Variants in POMZP3 observed in about 807,000 individuals in gnomAD.
The protein encoded by POMZP3 is POM121 and ZP3 fusion protein.
A neutral mutation model predicts 19.8 loss-of-function variants in POMZP3; 10 were observed. That is an observed-to-expected ratio of 0.51 (90% CI 0.31 to 0.86). The LOEUF (loss-of-function observed/expected upper bound fraction) is 0.86. Ranked by LOEUF, POMZP3 falls within the 40% of genes least tolerant of loss-of-function variation. The pLI is 0.04. For synonymous variants in POMZP3, 57 were observed against 85.8 expected (o/e 0.66, Z 1.85); for missense variants, 152 against 228.1 (o/e 0.67, Z 2.15).
At position 76,618,441 on chromosome 7, in the gene POMZP3, G is replaced by T; in HGVS notation, c.228-141C>A. The T allele has an allele frequency of 3.2e-6, 3 of 929,340 alleles. No individual in the cohort carries two copies. In the South Asian group the frequency reaches 4.5e-5, roughly 14 times the overall value. 57.6% of individuals were successfully genotyped at this position (929,340 alleles called of 1,614,324 possible). A position where few individuals can be genotyped will look rare whatever the true frequency, so the allele number is the denominator to read the frequency against. ...GTTCGAGACTAGCCTGGCAAACATG[G>T]TGAAACCTTGTCTCTACTAAAAATA... On this transcript the variant is annotated intron_variant, in intron 3 of 6. Coordinates refer to ENST00000310842, the MANE Select transcript of POMZP3 (RefSeq NM_012230.5).
At chr7:76,624,608 G>A (rs184070156) in intron 3 of POMZP3, among the ~76,000 whole-genome samples, 2,200 of 150,280 alleles carry the variant, frequency 0.015, 51 homozygotes, top group African/African-American at 0.05. Context: ...ACCACATCCA[G>A]CTAATTTTTG....
At chr7:76,614,838 T>G (rs1584341917) in intron 4 of POMZP3, among the ~76,000 whole-genome samples, 1 of 72,768 alleles carries the variant, frequency 1.4e-5, no homozygotes, top group African/African-American at 7.2e-5. Flanking sequence ...CCAGCCTGGG[T>G]GACAGAGCGA....
In POMZP3 at chr7:76,622,374, GTTTTTTTTTT is replaced by G. The variant is rs757086256; in HGVS notation, c.227+3138_227+3147del. ...TTTCCTGTAACACTATCATTCTCAA[GTTTTTTTTTT>G]TTTTTTTTTTTTGAGATGGAGTCTC... On this transcript the variant is annotated intron_variant, in intron 3 of 6. Coordinates refer to ENST00000310842, the MANE Select transcript of POMZP3 (RefSeq NM_012230.5). Among the ~76,000 whole-genome samples, 4 of 62,804 alleles carry G rather than the reference GTTTTTTTTTT, an allele frequency of 6.4e-5. No homozygotes were observed. In the East Asian group the frequency reaches 1.0e-3, roughly 16 times the overall value. 41.2% of individuals were successfully genotyped at this position (62,804 alleles called of 152,430 possible).
chr7:76,611,121 G>A (rs1047496081), intron 6 of POMZP3, among the ~76,000 whole-genome samples: 5 of 144,028 alleles, frequency 3.5e-5, no homozygotes, highest in African/African-American at 5.3e-5. Context: ...TGACCTGCCC[G>A]CCTTGGCCTC....
Position 76,611,443 on chromosome 7 carries a change from C to T in POMZP3, c.*11+11G>A, listed in dbSNP as rs1376953494. The T allele has an allele frequency of 1.9e-6, 3 of 1,548,344 alleles. No individual in the cohort carries two copies. The highest frequency in any genetic ancestry group is 1.7e-5 in the African/African-American group (1 of 60,128). On this transcript the variant is annotated intron_variant, in intron 6 of 6. Coordinates refer to ENST00000310842, the MANE Select transcript of POMZP3 (RefSeq NM_012230.5). ...GACAATGAACAGCCTCTTGGCCATT[C>T]TATGACATACCATGCCTGCGGTTAC...
chr7:76,610,567 G>A (rs1815043137), intron 6 of POMZP3, among the ~76,000 whole-genome samples: 1 of 152,074 alleles, frequency 6.6e-6, no homozygotes, highest in African/African-American at 2.4e-5. Context: ...CAGGAGAATA[G>A]CTTGAACCTG....
intron 4 of POMZP3, among the ~76,000 whole-genome samples, chr7:76,613,514 T>TTG (rs1225604780): frequency 1.3e-5 from 1 of 75,300 alleles, no homozygotes; most frequent in African/African-American, 5.6e-5. Context: ...ACCCTTTTTT[T>TTG]TTTTTTTTTT....
intron 3 of POMZP3, among the ~76,000 whole-genome samples, chr7:76,622,982 C>T (rs1428781904): frequency 1.3e-5 from 2 of 151,836 alleles, no homozygotes; most frequent in Non-Finnish European, 2.9e-5. Context: ...AGTGATCCTC[C>T]CACCTCAGCC....
intron 4 of POMZP3, among the ~76,000 whole-genome samples, chr7:76,617,703 A>C (rs1344036317): frequency 1.0e-5 from 1 of 99,146 alleles, no homozygotes; most frequent in Non-Finnish European, 2.0e-5. Flanking sequence ...TTTTTTTTGG[A>C]GATGGAGTCT....
chr7:76,611,436 G>C lies in POMZP3; in HGVS notation c.*11+18C>G, dbSNP rs188172114. On this transcript the variant is annotated intron_variant, in intron 6 of 6. Coordinates refer to ENST00000310842, the MANE Select transcript of POMZP3 (RefSeq NM_012230.5). ...AGTAAGGGACAATGAACAGCCTCTT[G>C]GCCATTCTATGACATACCATGCCTG... The C allele has an allele frequency of 2.0e-6, 3 of 1,537,296 alleles. No individual in the cohort carries two copies. The East Asian group carries it at 6.9e-5, about 35-fold the overall frequency.
chr7:76,626,159 A>C lies in POMZP3; in HGVS notation c.-95T>G. 5.0e-6 allele frequency: 8 copies of C among 1,603,802 alleles called. No homozygotes were observed. Among genetic ancestry groups the C allele is most frequent in the Non-Finnish European group, 3.4e-6 (4 of 1,174,778 alleles). ...CGGACAGGAATACTGGGCCTGATGG[A>C]TCGGATAGCGTCTTCGAGGTGTTAT... On this transcript the variant is annotated 5_prime_UTR_variant, in exon 2 of 7. Transcript: ENST00000310842.
In POMZP3 at chr7:76,625,651, G is replaced by A. The variant is rs1563806704; in HGVS notation, c.98C>T (p.Ser33Leu). ...PEQIISSTLS[S>L]PSSNAPDPCA... is the part of the protein sequence containing the mutation. ...TGGGTCTGGGGCATTACTTGATGGTGAGGACAGTGTTGAGCTGATTATCTG... is the reference window on the plus strand; with the variant it reads ...TGGGTCTGGGGCATTACTTGATGGTAAGGACAGTGTTGAGCTGATTATCTG... Residue 33 changes from serine (S) to leucine (L), a missense_variant, in exon 3 of 7, where the codon TCA (serine) becomes TTA (leucine). Around this residue, in one of 4 missense-constraint regions of POMZP3, gnomAD observed 70 missense variants for 64.1 expected, o/e 1.09. Transcript: ENST00000310842. 1.2e-6 allele frequency: 2 copies of A among 1,613,900 alleles called. No individual in the cohort carries two copies. Among genetic ancestry groups the A allele is most frequent in the Non-Finnish European group, 1.7e-6 (2 of 1,179,844 alleles).
rs2116889855 is a variant in POMZP3, at chr7:76,626,196, C to G, written c.-132G>C. The G allele has an allele frequency of 1.3e-6, 2 of 1,565,516 alleles. No individual in the cohort carries two copies. Among genetic ancestry groups the G allele is most frequent in the Non-Finnish European group, 8.7e-7 (1 of 1,154,124 alleles). On this transcript the variant is annotated 5_prime_UTR_variant, in exon 2 of 7. Transcript: ENST00000310842. Reference sequence around the variant, plus strand: ...CTTCGAGGTGTTATTACAAACCGATCTGGTAAAGTCCCACGATCCCTGCAG... The same window carrying G: ...CTTCGAGGTGTTATTACAAACCGATGTGGTAAAGTCCCACGATCCCTGCAG...
chr7:76,616,275 T>A (rs1815284336), intron 4 of POMZP3, among the ~76,000 whole-genome samples: 4 of 95,972 alleles, frequency 4.2e-5, no homozygotes, highest in Admixed American at 1.0e-4. Flanking sequence ...AGAGTGAGAC[T>A]GTCTCAAAAA....
chr7:76,617,213 G>A lies in POMZP3; in HGVS notation c.345+970C>T, dbSNP rs1173865234. Among the ~76,000 whole-genome samples the A allele has an allele frequency of 2.3e-5, 2 of 85,240 alleles. 1 individual carries two copies. Among genetic ancestry groups the A allele is most frequent in the Non-Finnish European group, 4.7e-5 (2 of 42,482 alleles). The allele number at this position is 85,240 out of a possible 152,430, so 55.9% of individuals were successfully genotyped here. A position where few individuals can be genotyped will look rare whatever the true frequency, so the allele number is the denominator to read the frequency against. ...AATCTCCTGACCTCGTGATCTGCCC[G>A]CCTCAGCCTCCCAAAGTGCTGGGAT... On this transcript the variant is annotated intron_variant, in intron 4 of 6. Coordinates refer to ENST00000310842, the MANE Select transcript of POMZP3 (RefSeq NM_012230.5).
chr7:76,626,381 G>C, intron 1 of POMZP3, 166 bp from the exon 2 acceptor site: 1 of 658,776 alleles, frequency 1.5e-6, no homozygotes, highest in Non-Finnish European at 2.6e-6. Flanking sequence ...TTCCATCTAA[G>C]AGCAGAGAGT....
At position 76,611,471 on chromosome 7, in the gene POMZP3, G is replaced by C. The variant is rs1339118444; in HGVS notation, c.558C>G (p.Ser186=). The change falls in exon 6 of 7, where the codon TCC becomes TCG. Residue 186 remains serine, a synonymous_variant. Coordinates refer to ENST00000310842, the MANE Select transcript of POMZP3 (RefSeq NM_012230.5). ...TGACATACCATGCCTGCGGTTACAGGGAAGCAGACGTGGACCACTGGCTCA... is the reference window on the plus strand; with the variant it reads ...TGACATACCATGCCTGCGGTTACAGCGAAGCAGACGTGGACCACTGGCTCA... The part of the protein sequence containing the change: ...RVVSQWSTSA[S]L The C allele has an allele frequency of 1.2e-6, 2 of 1,600,364 alleles. No individual in the cohort carries two copies. The highest frequency in any genetic ancestry group is 3.4e-5 in the Admixed American group (2 of 59,032).
Position 76,623,184 on chromosome 7 carries a change from GGT to G in POMZP3, c.227+2336_227+2337del, listed in dbSNP as rs1491331210. On this transcript the variant is annotated intron_variant, in intron 3 of 6. Coordinates refer to ENST00000310842, the MANE Select transcript of POMZP3 (RefSeq NM_012230.5). ...ACCGCACCCAGCCCAAATTGATTGTGGTTTTTTTTTTTTATTTCACTTTTCCC... is the reference window on the plus strand; with the variant it reads ...ACCGCACCCAGCCCAAATTGATTGTGTTTTTTTTTTTATTTCACTTTTCCC... Among the ~76,000 whole-genome samples, 395 of 120,454 alleles carry G rather than the reference GGT, an allele frequency of 3.3e-3. 4 individuals carry two copies. Among genetic ancestry groups the G allele is most frequent in the African/African-American group, 1.0e-2 (377 of 37,838 alleles). 79.0% of individuals were successfully genotyped at this position (120,454 alleles called of 152,430 possible).
At chr7:76,620,953 C>G (rs959307837) in intron 3 of POMZP3, among the ~76,000 whole-genome samples, 2 of 142,692 alleles carry the variant, frequency 1.4e-5, no homozygotes, top group African/African-American at 5.3e-5. Context: ...ACTGCAACCT[C>G]TGCCTCCTAG....
Sources: gnomAD v4.1 joint callset for allele counts (sites outside exome capture counted in the v4.1 genomes callset) on GRCh38, gnomAD v4.1.1 for gene constraint, gnomAD v4.1.1 regional missense constraint, MANE v1.5 for transcripts, NCBI Gene and HGNC (gene_info 2026-07-23, HGNC 2026-07-21) for gene names.